THOC2: variants seen among roughly 807,000 people sequenced by gnomAD.
THOC2 encodes THO complex 2.
Under a neutral mutation model 128.4 loss-of-function variants are expected in THOC2, and 10 were observed. That is an observed-to-expected ratio of 0.08 (90% confidence interval 0.05 to 0.13). THOC2 has a LOEUF of 0.13. THOC2 is among the 10% of genes least tolerant of loss of function. THOC2 has a pLI of 1.00. For synonymous variants in THOC2, 393 were observed against 396.9 expected (o/e 0.99, Z 0.12); for missense variants, 535 against 1,155.7 (o/e 0.46, Z 7.79).
intron 22 of THOC2, among the ~76,000 whole-genome samples, chrX:123,631,467 G>A (rs898329923): frequency 2.7e-5 from 3 of 111,929 alleles, no homozygotes; most frequent in African/African-American, 6.5e-5. Context: ...AACACTAACA[G>A]CAGATGTTTG....
At chrX:123,731,260 A>G (rs2148011349) in intron 1 of THOC2, among the ~76,000 whole-genome samples, 1 of 112,058 alleles carries the variant, frequency 8.9e-6, no homozygotes, top group South Asian at 3.7e-4. Flanking sequence ...AGATTTATCA[A>G]ATAGCCTTCT....
intron 12 of THOC2, among the ~76,000 whole-genome samples, chrX:123,656,707 C>A (rs2048603437): frequency 9.1e-6 from 1 of 109,783 alleles, no homozygotes; most frequent in Non-Finnish European, 1.9e-5. Context: ...AAAACTCTGT[C>A]TCAAAAAAAC....
At chrX:123,624,712 C>G in intron 25 of THOC2, 43 bp from the exon 26 acceptor site, 1 of 1,136,523 alleles carries the variant, frequency 8.8e-7, no homozygotes, top group Non-Finnish European at 1.2e-6. Context: ...AAATCAAGGT[C>G]AAAATCAGTT....
rs1284260859 is a variant in THOC2 at position 123,665,211 on chromosome X, T to C, written c.1386+431A>G. Among the ~76,000 whole-genome samples, 3 of 112,062 alleles carry C rather than the reference T, an allele frequency of 2.7e-5. No individual in the cohort carries two copies. In the East Asian group the frequency reaches 8.4e-4, roughly 31 times the overall value. The stretch of plus-strand genomic sequence containing the variant: ...CTATTGCCTAGTGATATCATGGCTG[T>C]CCTAACATCTTAGTGCAAGGTATTA... On this transcript the variant is annotated intron_variant, in intron 12 of 38. Transcript: ENST00000245838.
intron 8 of THOC2, among the ~76,000 whole-genome samples, chrX:123,673,168 G>A (rs747554095): frequency 9.0e-6 from 1 of 110,906 alleles, no homozygotes; most frequent in South Asian, 3.8e-4. Context: ...ATGAAACCCC[G>A]TCTCTCCTAA....
intron 12 of THOC2, among the ~76,000 whole-genome samples, chrX:123,653,364 G>A (rs1321676314): frequency 8.9e-6 from 1 of 111,857 alleles, no homozygotes; most frequent in African/African-American, 3.3e-5. Context: ...AAAGGCATGG[G>A]CAAAGACTTC....
chrX:123,654,675 C>T (rs1490271388), intron 12 of THOC2, among the ~76,000 whole-genome samples: 1 of 95,559 alleles, frequency 1.0e-5, no homozygotes, highest in Non-Finnish European at 2.0e-5. Flanking sequence ...AGGAGAATCG[C>T]GTGAACCTAG....
At chrX:123,723,757 G>T (rs1453502368) in intron 1 of THOC2, among the ~76,000 whole-genome samples, 2 of 111,720 alleles carry the variant, frequency 1.8e-5, no homozygotes, top group African/African-American at 3.2e-5. Flanking sequence ...TAAACATATT[G>T]GGTAATGACA....
At chrX:123,710,202 G>C (rs770804746) in intron 2 of THOC2, among the ~76,000 whole-genome samples, 5 of 112,066 alleles carry the variant, frequency 4.5e-5, no homozygotes, top group African/African-American at 9.7e-5. Context: ...GCAAGGGTAA[G>C]AGAAGGAGAG....
intron 12 of THOC2, among the ~76,000 whole-genome samples, chrX:123,646,362 G>C (rs1003404375): frequency 1.8e-5 from 2 of 112,321 alleles, no homozygotes; most frequent in African/African-American, 6.5e-5. Flanking sequence ...CAGAGGGCTG[G>C]CGGAGTCTGT....
At chrX:123,728,715 G>T (rs1440608738) in intron 1 of THOC2, among the ~76,000 whole-genome samples, 1 of 111,700 alleles carries the variant, frequency 9.0e-6, no homozygotes, top group African/African-American at 3.3e-5. Flanking sequence ...AGTAGCAGAA[G>T]AAGAAAAAGA....
At chrX:123,603,347 T>C in intron 38 of THOC2, 1 of 267,596 alleles carries the variant, frequency 3.7e-6, no homozygotes, top group Non-Finnish European at 6.5e-6. Flanking sequence ...ATGTCAAAAG[T>C]ATAGGAGTTC....
chrX:123,634,732 A>G (rs2047609409), intron 19 of THOC2, among the ~76,000 whole-genome samples: 1 of 111,767 alleles, frequency 8.9e-6, no homozygotes, highest in Non-Finnish European at 1.9e-5. Context: ...ACAAAGATGT[A>G]GCATGGTCAC....
chrX:123,697,174 C>T (rs1342925740), intron 5 of THOC2, among the ~76,000 whole-genome samples: 1 of 111,960 alleles, frequency 8.9e-6, no homozygotes, highest in African/African-American at 3.2e-5. Flanking sequence ...TAGCCTCCTA[C>T]TTTAAGTTAA....
intron 2 of THOC2, 65 bp downstream of exon 2, chrX:123,712,785 G>T: frequency 1.3e-6 from 1 of 743,533 alleles, no homozygotes; most frequent in Non-Finnish European, 2.0e-6. Context: ...ACCTAACAAT[G>T]AATAGAAAGC....
intron 33 of THOC2, 81 bp downstream of exon 33, chrX:123,619,320 C>A: frequency 1.8e-6 from 1 of 561,951 alleles, no homozygotes; most frequent in South Asian, 3.6e-5. Flanking sequence ...ACTGAATGTA[C>A]TAGGGTGAGG....
intron 8 of THOC2, 23 bp downstream of exon 8, chrX:123,686,525 C>T: frequency 1.8e-6 from 2 of 1,127,596 alleles, no homozygotes; most frequent in African/African-American, 1.8e-5. Context: ...TCTAAATATA[C>T]ATACATACAC....
chrX:123,630,270 T>C (rs1184870608), intron 22 of THOC2, among the ~76,000 whole-genome samples: 1 of 111,741 alleles, frequency 8.9e-6, no homozygotes, highest in East Asian at 2.8e-4. Context: ...AGAACTGATA[T>C]CCACAATTAT....
In THOC2 at chrX:123,621,604, T is replaced by C; in HGVS notation, c.3786-17A>G. The C allele has an allele frequency of 9.6e-7, 1 of 1,045,410 alleles. No individual in the cohort carries two copies. Among genetic ancestry groups the C allele is most frequent in the Non-Finnish European group, 1.3e-6 (1 of 778,867 alleles). 86.2% of individuals were successfully genotyped at this position (1,045,410 alleles called of 1,213,427 possible). ...GCTTTGTTGCTTAAGAATAAAAACA[T>C]GGGATTTTAACACAAATAATCATAA... is the stretch of plus-strand genomic sequence containing the variant. On this transcript the variant is annotated splice_polypyrimidine_tract_variant and intron_variant, in intron 30 of 38. Transcript: ENST00000245838.
Sources: gnomAD v4.1 joint callset for allele counts (sites outside exome capture counted in the v4.1 genomes callset) on GRCh38, gnomAD v4.1.1 for gene constraint, MANE v1.5 for transcripts, NCBI Gene and HGNC (gene_info 2026-07-23, HGNC 2026-07-21) for gene names.